ULK4: variants seen among roughly 807,000 people sequenced by gnomAD.
ULK4 encodes inactive serine/threonine-protein kinase ULK4.
Under a neutral mutation model 160.6 loss-of-function variants are expected in ULK4, and 133 were observed. That is an observed-to-expected ratio of 0.83 (90% CI 0.72 to 0.96). The LOEUF is 0.96. ULK4 is among the 40% of genes least tolerant of loss of function. ULK4 has a pLI of 0.00. For missense variants in ULK4, 1,580 were observed against 1,499.5 expected (o/e 1.05, Z -0.89); for synonymous variants, 534 against 539.8 (o/e 0.99, Z 0.15).
At chr3:41,841,481 T>A (rs1438580978) in intron 17 of ULK4, among the ~76,000 whole-genome samples, 2 of 132,336 alleles carry the variant, frequency 1.5e-5, no homozygotes, top group Non-Finnish European at 3.2e-5. Flanking sequence ...GTGAGGGGCG[T>A]CTCTGCCCGG....
chr3:41,721,255 A>ATTTTTTTTT (rs67078042), intron 22 of ULK4, among the ~76,000 whole-genome samples: 2 of 45,044 alleles, frequency 4.4e-5, no homozygotes, highest in Non-Finnish European at 7.1e-5. Flanking sequence ...TTCGCTTTGA[A>ATTTTTTTTT]TTTTTTTTTT....
chr3:41,770,779 C>G (rs964208681), intron 21 of ULK4, among the ~76,000 whole-genome samples: 5 of 152,192 alleles, frequency 3.3e-5, no homozygotes, highest in Non-Finnish European at 7.3e-5. Context: ...TCCCAAAGTG[C>G]TGGGATTACA....
intron 32 of ULK4, among the ~76,000 whole-genome samples, chr3:41,561,441 A>C (rs758502464): frequency 7.9e-5 from 12 of 152,226 alleles, no homozygotes; most frequent in Non-Finnish European, 7.3e-5. Context: ...AAGGAATGGT[A>C]ACAGCTCCTC....
At chr3:41,679,393 A>G (rs935362761) in intron 29 of ULK4, among the ~76,000 whole-genome samples, 6 of 152,232 alleles carry the variant, frequency 3.9e-5, no homozygotes, top group Admixed American at 1.3e-4. Context: ...ATGCAGACTC[A>G]AGGCTTATAC....
chr3:41,850,519 T>C (rs1349481723), intron 17 of ULK4, among the ~76,000 whole-genome samples: 3 of 152,016 alleles, frequency 2.0e-5, no homozygotes, highest in Non-Finnish European at 4.4e-5. Context: ...TGGTGTGAGA[T>C]GGTATCTCAT....
chr3:41,834,762 A>G (rs2041703330), intron 18 of ULK4, among the ~76,000 whole-genome samples: 1 of 152,194 alleles, frequency 6.6e-6, no homozygotes, highest in Admixed American at 6.5e-5. Context: ...ATACAATTAC[A>G]GTCATGTACA....
chr3:41,817,300 T>C (rs1333351692), intron 19 of ULK4, among the ~76,000 whole-genome samples: 1 of 152,226 alleles, frequency 6.6e-6, no homozygotes, highest in Non-Finnish European at 1.5e-5. Flanking sequence ...TTTCATGGTA[T>C]ATATATGCCA....
At chr3:41,368,902 C>T (rs558284491) in intron 35 of ULK4, among the ~76,000 whole-genome samples, 17 of 152,044 alleles carry the variant, frequency 1.1e-4, no homozygotes, top group Non-Finnish European at 2.1e-4. Context: ...TAAAAAATTA[C>T]AAAAATATTT....
At chr3:41,735,122 G>C (rs760251707) in intron 22 of ULK4, among the ~76,000 whole-genome samples, 2 of 152,184 alleles carry the variant, frequency 1.3e-5, no homozygotes. Context: ...GAAATGATTT[G>C]ATGAAAGTGG....
chr3:41,858,143 G>GTT (rs1196253451), intron 17 of ULK4, among the ~76,000 whole-genome samples: 10 of 74,810 alleles, frequency 1.3e-4, no homozygotes, highest in African/African-American at 5.8e-4. Context: ...GGTTTTTTTT[G>GTT]TTTGTTTTTT....
At chr3:41,492,460 C>T (rs1333127714) in intron 32 of ULK4, among the ~76,000 whole-genome samples, 1 of 151,174 alleles carries the variant, frequency 6.6e-6, no homozygotes, top group African/African-American at 2.4e-5. Flanking sequence ...CCGGTACCAG[C>T]CACTGCAAAA....
intron 35 of ULK4, among the ~76,000 whole-genome samples, chr3:41,315,061 G>A (rs952663439): frequency 2.6e-5 from 4 of 151,996 alleles, no homozygotes; most frequent in South Asian, 2.1e-4. Context: ...ATTAGCATAC[G>A]TCTTTTTAAA....
chr3:41,728,839 C>A (rs1371314799), intron 22 of ULK4, among the ~76,000 whole-genome samples: 6 of 152,006 alleles, frequency 3.9e-5, no homozygotes, highest in South Asian at 2.1e-4. Context: ...ATATATATAT[C>A]TCCACAACAT....
intron 16 of ULK4, among the ~76,000 whole-genome samples, chr3:41,893,591 C>CA (rs1698046640): frequency 6.6e-6 from 1 of 151,752 alleles, no homozygotes; most frequent in Admixed American, 6.6e-5. Context: ...AAAGCAGGCA[C>CA]AAAGATTTAT....
chr3:41,348,634 A>C (rs940894025), intron 35 of ULK4, among the ~76,000 whole-genome samples: 8 of 152,148 alleles, frequency 5.3e-5, no homozygotes, highest in Non-Finnish European at 1.2e-4. Flanking sequence ...ACATACACTA[A>C]GCCCCAGTAA....
chr3:41,734,646 A>G (rs1373840458), intron 22 of ULK4, among the ~76,000 whole-genome samples: 5 of 152,222 alleles, frequency 3.3e-5, no homozygotes. Flanking sequence ...TGAGGTGGGA[A>G]GAAAGCAAGG....
chr3:41,678,473 T>C (rs971711818), intron 29 of ULK4, among the ~76,000 whole-genome samples: 2 of 152,132 alleles, frequency 1.3e-5, no homozygotes, highest in African/African-American at 2.4e-5. Context: ...TGGATGAGAA[T>C]AGGAGCCTAT....
At chr3:41,758,664 T>C (rs1334999861) in intron 21 of ULK4, among the ~76,000 whole-genome samples, 2 of 152,080 alleles carry the variant, frequency 1.3e-5, no homozygotes, top group African/African-American at 4.8e-5. Context: ...AGCGGGTGGA[T>C]CACGAGGTCA....
chr3:41,258,516 A>G (rs1010078962), intron 35 of ULK4: 1 of 152,156 alleles, frequency 6.6e-6, no homozygotes, highest in African/African-American at 2.4e-5. Flanking sequence ...CAAAGTTAAC[A>G]TTTTCATTAC....
Sources: gnomAD v4.1 joint callset for allele counts (sites outside exome capture counted in the v4.1 genomes callset) on GRCh38, gnomAD v4.1.1 for gene constraint, MANE v1.5 for transcripts, NCBI Gene and HGNC (gene_info 2026-07-23, HGNC 2026-07-21) for gene names.